The following PAH variants were observed in gnomAD, a reference collection of about 807,000 sequenced individuals.
PAH encodes phenylalanine hydroxylase, also known as phenylalanine-4-hydroxylase.
Under a neutral mutation model 62.0 loss-of-function variants are expected in PAH, and 64 were observed. That is an observed-to-expected ratio of 1.03 (90% CI 0.84 to 1.27). The LOEUF (loss-of-function observed/expected upper bound fraction) is 1.27, where lower values mean the gene tolerates loss of function less well. PAH is among the 50% of genes most tolerant of loss of function. The pLI is 0.00. For missense variants in PAH, 579 were observed against 542.8 expected, an observed-to-expected ratio of 1.07 and a Z score of -0.66; for synonymous variants, 195 against 196.2, an observed-to-expected ratio of 0.99 and a Z score of 0.05.
At chr12:102,908,176 C>A (rs1019933287) in intron 2 of PAH, among the ~76,000 whole-genome samples, 1 of 151,836 alleles carries the variant, frequency 6.6e-6, no homozygotes, top group Non-Finnish European at 1.5e-5. Flanking sequence ...ACCCAGAGTT[C>A]ACATACATGC....
intron 2 of PAH, among the ~76,000 whole-genome samples, chr12:102,910,386 T>G (rs1265959117): frequency 0.014 from 2,008 of 147,398 alleles, 25 homozygotes; most frequent in African/African-American, 0.03. Context: ...TTTTTTTTTT[T>G]TGGGGAGGGA....
chr12:102,877,951 G>A (rs575467926), intron 3 of PAH, among the ~76,000 whole-genome samples: 10 of 152,092 alleles, frequency 6.6e-5, no homozygotes, highest in African/African-American at 2.2e-4. Context: ...TCAGCCTCCC[G>A]AGTAGCTGGG....
At chr12:102,935,804 A>C (rs1178572761) in intron 1 of PAH, among the ~76,000 whole-genome samples, 1 of 151,738 alleles carries the variant, frequency 6.6e-6, no homozygotes, top group East Asian at 1.9e-4. Flanking sequence ...GTCTGGCTAA[A>C]GGTTTGCTGA....
chr12:102,910,839 C>T (rs1233680222), intron 2 of PAH, among the ~76,000 whole-genome samples: 2 of 152,182 alleles, frequency 1.3e-5, no homozygotes, highest in African/African-American at 4.8e-5. Context: ...TGGACCCACG[C>T]AGCCTTCCCC....
chr12:102,872,987 A>G (rs1876416261), intron 4 of PAH, among the ~76,000 whole-genome samples: 1 of 152,170 alleles, frequency 6.6e-6, no homozygotes, highest in Admixed American at 6.5e-5. Context: ...ATGTAGTTTC[A>G]AAGACTTGGG....
chr12:102,892,810 G>A (rs1350818745), intron 3 of PAH, among the ~76,000 whole-genome samples: 1 of 152,196 alleles, frequency 6.6e-6, no homozygotes, highest in Non-Finnish European at 1.5e-5. Context: ...TGAATAGCTG[G>A]AGCACAGGGC....
intron 1 of PAH, among the ~76,000 whole-genome samples, chr12:102,915,881 G>A (rs543133744): frequency 2.6e-5 from 4 of 151,858 alleles, no homozygotes; most frequent in African/African-American, 4.8e-5. Context: ...TATATAACAC[G>A]ACACTACTTT....
At chr12:102,847,990 T>A (rs749198709) in intron 8 of PAH, among the ~76,000 whole-genome samples, 1 of 152,202 alleles carries the variant, frequency 6.6e-6, no homozygotes, top group Non-Finnish European at 1.5e-5. Flanking sequence ...CAAAGAGGGA[T>A]CCAGAGCCAG....
upstream of PAH, among the ~76,000 whole-genome samples, chr12:102,920,239 T>C (rs1034981963): frequency 1.3e-5 from 2 of 152,202 alleles, no homozygotes; most frequent in African/African-American, 4.8e-5. Flanking sequence ...TTGCAGATGA[T>C]TTTTAAGCCA....
At chr12:102,917,920 A>C (rs1878450681), upstream of PAH, among the ~76,000 whole-genome samples, 2 of 152,248 alleles carry the variant, frequency 1.3e-5, no homozygotes, top group Admixed American at 6.5e-5. Flanking sequence ...ACACTCAGTA[A>C]ATGGAAGATA....
At chr12:102,888,158 G>A (rs575203338) in intron 3 of PAH, among the ~76,000 whole-genome samples, 21 of 152,126 alleles carry the variant, frequency 1.4e-4, no homozygotes, top group African/African-American at 4.6e-4. Context: ...GGCCCTACAC[G>A]CTAGGCACTT....
intron 3 of PAH, among the ~76,000 whole-genome samples, chr12:102,891,822 C>T (rs1877287669): frequency 6.6e-6 from 1 of 152,190 alleles, no homozygotes; most frequent in Non-Finnish European, 1.5e-5. Flanking sequence ...TTCCCTGGCT[C>T]CTCCAGGGGC....
intron 1 of PAH, chr12:102,958,186 G>A: frequency 2.2e-6 from 3 of 1,344,876 alleles, no homozygotes; most frequent in South Asian, 3.2e-5. Flanking sequence ...CCCCTCGCGG[G>A]CCCCGCACCT....
At chr12:102,853,625 AT>A (rs961086356) in intron 6 of PAH, among the ~76,000 whole-genome samples, 1 of 152,212 alleles carries the variant, frequency 6.6e-6, no homozygotes, top group African/African-American at 2.4e-5. Flanking sequence ...TAGCAAGTCC[AT>A]TTGTGTGCAT....
rs1480676683 is a variant in PAH at position 102,868,091 on chromosome 12, TATATATATATATACAC to T, written c.442-1444_442-1429del. Among the ~76,000 whole-genome samples, 4 of 36,266 alleles carry T rather than the reference TATATATATATATACAC, an allele frequency of 1.1e-4. 2 individuals carry two copies. The highest frequency in any genetic ancestry group is 7.4e-4 in the African/African-American group (4 of 5,404). 23.8% of individuals were successfully genotyped at this position (36,266 alleles called of 152,430 possible). On this transcript the variant is annotated intron_variant, in intron 4 of 12. Transcript: ENST00000553106. ...ATATATACATATATGTGTGTGTGTA[TATATATATATATACAC>T]ATATATATACATATATGTGTATATA... is the stretch of plus-strand genomic sequence containing the variant.
At chr12:102,885,729 G>T (rs1877013996) in intron 3 of PAH, among the ~76,000 whole-genome samples, 2 of 152,140 alleles carry the variant, frequency 1.3e-5, no homozygotes, top group Admixed American at 1.3e-4. Context: ...GGTCAGAGGA[G>T]GCCCATTCAA....
chr12:102,847,025 T>TA, intron 8 of PAH, 74 bp from the exon 9 acceptor site: 1 of 1,277,842 alleles, frequency 7.8e-7, no homozygotes, highest in Non-Finnish European at 1.1e-6. Context: ...TACTTGGCCA[T>TA]AAAAAGGTGA....
chr12:102,875,705 A>T (rs1383246634), intron 4 of PAH, among the ~76,000 whole-genome samples: 2 of 152,200 alleles, frequency 1.3e-5, no homozygotes, highest in African/African-American at 2.4e-5. Context: ...GTATTTAAGT[A>T]ATATACACTA....
At chr12:102,929,603 G>C (rs535190012) in intron 1 of PAH, among the ~76,000 whole-genome samples, 1 of 152,134 alleles carries the variant, frequency 6.6e-6, no homozygotes, top group Non-Finnish European at 1.5e-5. Flanking sequence ...GGCTCCATTA[G>C]ATGTGCGTTT....
Sources: allele counts gnomAD v4.1 joint callset (sites outside exome capture counted in the v4.1 genomes callset), GRCh38; gene constraint gnomAD v4.1.1; transcripts MANE v1.5; gene names NCBI Gene and HGNC (gene_info 2026-07-23, HGNC 2026-07-21).